The following MEGF11 variants were observed in gnomAD, a reference collection of about 807,000 sequenced individuals.
The protein encoded by MEGF11 is multiple epidermal growth factor-like domains protein 11.
A neutral mutation model predicts 146.6 loss-of-function variants in MEGF11; 126 were observed. That is an observed-to-expected ratio of 0.86 (90% CI 0.74 to 1.00). The LOEUF (loss-of-function observed/expected upper bound fraction) is 1.00. Ranked by LOEUF, MEGF11 falls within the 50% of genes least tolerant of loss-of-function variation. The pLI is 0.00. For synonymous variants in MEGF11, 532 were observed against 583.4 expected (o/e 0.91, Z 1.27); for missense variants, 1,509 against 1,521.2 (o/e 0.99, Z 0.13).
intron 5 of MEGF11, among the ~76,000 whole-genome samples, chr15:66,085,719 A>G (rs568743448): frequency 9.8e-5 from 15 of 152,368 alleles, no homozygotes; most frequent in Admixed American, 2.6e-4. Context: ...GCCTACCCAA[A>G]TGAGAAGGAA....
intron 10 of MEGF11, among the ~76,000 whole-genome samples, chr15:65,932,037 A>G (rs1397265482): frequency 6.6e-6 from 1 of 152,220 alleles, no homozygotes; most frequent in Non-Finnish European, 1.5e-5. Context: ...ACATTCTGAG[A>G]TAGAGATTAG....
chr15:66,072,788 G>A (rs146551494), intron 5 of MEGF11, among the ~76,000 whole-genome samples: 1 of 152,312 alleles, frequency 6.6e-6, no homozygotes, highest in Non-Finnish European at 1.5e-5. Flanking sequence ...AAGCTGTAGG[G>A]TCAAGGCCCA....
chr15:66,040,216 G>A (rs1431202410), intron 5 of MEGF11: 1 of 154,924 alleles, frequency 6.5e-6, no homozygotes, highest in African/African-American at 2.4e-5. Context: ...AGACACCAAA[G>A]TGAGTGGTTT....
rs192847826 is a variant in MEGF11, at chr15:66,181,274, C to T, written c.-8-52863G>A. On this transcript the variant is annotated intron_variant, in intron 1 of 25. Transcript: ENST00000395614. The stretch of plus-strand genomic sequence containing the variant: ...TTGTTGAGACAGGGTCTCACTCTGT[C>T]GCCCAGGATCTGGAGTGCAGTGGCA... 5.3e-5 allele frequency among the ~76,000 whole-genome samples: 8 copies of T among 152,296 alleles called. No homozygotes were observed. In the East Asian group the frequency reaches 7.7e-4, roughly 15 times the overall value.
intron 1 of MEGF11, among the ~76,000 whole-genome samples, chr15:66,147,766 T>C (rs1376817314): frequency 1.3e-5 from 2 of 152,286 alleles, no homozygotes; most frequent in East Asian, 3.9e-4. Flanking sequence ...ACAACACACC[T>C]TGTGAGCCAG....
chr15:66,180,824 T>C (rs2090525062), intron 1 of MEGF11, among the ~76,000 whole-genome samples: 1 of 152,178 alleles, frequency 6.6e-6, no homozygotes, highest in African/African-American at 2.4e-5. Flanking sequence ...TTAATTACAT[T>C]CTCACTCTGC....
chr15:65,900,158 T>C (rs2078460081), intron 24 of MEGF11, among the ~76,000 whole-genome samples: 1 of 152,224 alleles, frequency 6.6e-6, no homozygotes, highest in African/African-American at 2.4e-5. Flanking sequence ...ACTGAGCTGC[T>C]TGAGTTGATA....
chr15:65,932,681 G>T (rs1005998808), intron 10 of MEGF11, among the ~76,000 whole-genome samples: 2 of 151,928 alleles, frequency 1.3e-5, no homozygotes, highest in African/African-American at 2.4e-5. Context: ...CCAGGGGAGG[G>T]AGTTCAGGCT....
At chr15:65,898,511 T>C (rs752125258) in intron 25 of MEGF11, 4 of 985,366 alleles carry the variant, frequency 4.1e-6, no homozygotes, top group Non-Finnish European at 4.8e-6. Flanking sequence ...TTCATATTAG[T>C]CCTGGTGTTT....
intron 1 of MEGF11, among the ~76,000 whole-genome samples, chr15:66,155,310 C>T (rs933343807): frequency 9.9e-5 from 15 of 152,168 alleles, no homozygotes; most frequent in African/African-American, 3.4e-4. Flanking sequence ...AGGGAGAGCC[C>T]TCGGCTGTAG....
chr15:65,986,793 CTTTTTTTTT>C (rs34991788), intron 5 of MEGF11, among the ~76,000 whole-genome samples: 5 of 121,332 alleles, frequency 4.1e-5, no homozygotes, highest in East Asian at 2.4e-4. Context: ...CTGATTTTTC[CTTTTTTTTT>C]TTTTTTTTTT....
chr15:65,938,055 G>C (rs1017911537), intron 10 of MEGF11, among the ~76,000 whole-genome samples: 2 of 152,238 alleles, frequency 1.3e-5, no homozygotes, highest in African/African-American at 4.8e-5. Flanking sequence ...CCAAAGACGG[G>C]GAGCCCTCTT....
At chr15:66,127,768 C>G (rs1046357354) in intron 2 of MEGF11, among the ~76,000 whole-genome samples, 4 of 152,298 alleles carry the variant, frequency 2.6e-5, no homozygotes, top group African/African-American at 9.6e-5. Context: ...GAATGCAGCC[C>G]GCTCTTCCGC....
chr15:66,029,378 C>T (rs1053562161), intron 5 of MEGF11, among the ~76,000 whole-genome samples: 11 of 152,158 alleles, frequency 7.2e-5, no homozygotes, highest in African/African-American at 2.7e-4. Flanking sequence ...AGAAGTCTTC[C>T]TCTTTACACT....
chr15:65,935,893 T>C (rs914437199), intron 10 of MEGF11, among the ~76,000 whole-genome samples: 1 of 152,214 alleles, frequency 6.6e-6, no homozygotes, highest in Admixed American at 6.5e-5. Context: ...GCCTGGTGTA[T>C]AATTGACTGG....
intron 1 of MEGF11, among the ~76,000 whole-genome samples, chr15:66,185,870 GT>G (rs1388020699): frequency 1.3e-5 from 2 of 152,208 alleles, no homozygotes; most frequent in East Asian, 3.9e-4. Context: ...GGCTTAAAAA[GT>G]CAAGCACACA....
At chr15:66,096,515 G>A (rs1201097268) in intron 4 of MEGF11, among the ~76,000 whole-genome samples, 3 of 142,166 alleles carry the variant, frequency 2.1e-5, no homozygotes, top group Non-Finnish European at 4.6e-5. Context: ...CAAGGCTGTG[G>A]GGACTTCACA....
intron 14 of MEGF11, 106 bp downstream of exon 14, chr15:65,922,717 G>A (rs1358233740): frequency 1.4e-5 from 19 of 1,390,336 alleles, no homozygotes; most frequent in Non-Finnish European, 1.9e-5. Context: ...AGAGATGGGG[G>A]CTGATTCAAG....
At chr15:66,223,777 T>C (rs538236919) in intron 1 of MEGF11, among the ~76,000 whole-genome samples, 101 of 152,282 alleles carry the variant, frequency 6.6e-4, no homozygotes, top group African/African-American at 2.3e-3. Context: ...GGATTTATGG[T>C]ATGTGGATTA....
Sources: allele counts gnomAD v4.1 joint callset (sites outside exome capture counted in the v4.1 genomes callset), GRCh38; gene constraint gnomAD v4.1.1; transcripts MANE v1.5; gene names NCBI Gene and HGNC (gene_info 2026-07-23, HGNC 2026-07-21).